The following PCDHGA1 variants were observed in gnomAD, a reference collection of about 807,000 sequenced individuals.
PCDHGA1 encodes protocadherin gamma subfamily A, 1.
Under a neutral mutation model 58.0 loss-of-function variants are expected in PCDHGA1, and 32 were observed. The observed-to-expected ratio is 0.55, with a 90% CI of 0.42 to 0.74. PCDHGA1 has a LOEUF of 0.74. Among genes scored for constraint, PCDHGA1 ranks in the 30% least tolerant of loss-of-function variants. The pLI is 0.00. For missense variants in PCDHGA1, 1,205 were observed against 1,182.3 expected (o/e 1.02, Z -0.28); for synonymous variants, 498 against 501.1 (o/e 0.99, Z 0.08).
At position 141,332,143 on chromosome 5, in the gene PCDHGA1, A is replaced by C. The variant is rs760414799; in HGVS notation, c.1459A>C (p.Ile487Leu). ...HDLDSNENAQ[I>L]TYSLIEDTIQ... is the part of the protein sequence containing the mutation. ...CTTGGACAGCAATGAGAATGCACAAATCACTTACTCCCTAATAGAGGACAC... is the reference window on the plus strand; with the variant it reads ...CTTGGACAGCAATGAGAATGCACAACTCACTTACTCCCTAATAGAGGACAC... Residue 487 changes from isoleucine to leucine, a missense_variant, in exon 1 of 4, where the codon ATC (isoleucine) becomes CTC (leucine). Ile to Leu is a conservative substitution (Grantham distance 5, BLOSUM62 2). Coordinates refer to ENST00000517417, the MANE Select transcript of PCDHGA1 (RefSeq NM_018912.3). The surrounding 1 kb of genome is among the most constrained non-coding windows in gnomAD (Gnocchi z 4.6). The C allele has an allele frequency of 4.3e-5, 69 of 1,613,984 alleles. No homozygotes were observed. Among genetic ancestry groups the C allele is most frequent in the Admixed American group, 1.7e-4 (10 of 59,996 alleles).
At position 141,330,980 on chromosome 5, in the gene PCDHGA1, G is replaced by A. The variant is rs1187509107; in HGVS notation, c.296G>A (p.Ser99Asn). 2 of 1,614,210 alleles carry A rather than the reference G, an allele frequency of 1.2e-6. No homozygotes were observed. The highest frequency in any genetic ancestry group is 1.7e-6 in the Non-Finnish European group (2 of 1,180,042). ...GACCGGGAGGAGCTCTGCGCTCAGA[G>A]CATGCCGTGTCTCGTGAGTTTTAAT... ...RIDREELCAQ[S>N]MPCLVSFNIL... Residue 99 changes from serine to asparagine, a missense_variant, in exon 1 of 4, where the codon AGC (serine) becomes AAC (asparagine). By Grantham distance (46) the Ser-to-Asn change is conservative. Coordinates refer to ENST00000517417, the MANE Select transcript of PCDHGA1 (RefSeq NM_018912.3).
intron 1 of PCDHGA1, chr5:141,375,222 G>C: frequency 6.2e-7 from 1 of 1,613,926 alleles, no homozygotes; most frequent in Non-Finnish European, 8.5e-7. Flanking sequence ...GGCCTGAATG[G>C]CCTGGTAACC....
intron 2 of PCDHGA1, among the ~76,000 whole-genome samples, chr5:141,500,901 G>A (rs984072329): frequency 7.6e-5 from 11 of 144,582 alleles, no homozygotes; most frequent in African/African-American, 2.6e-4. Flanking sequence ...AGACAGTCTC[G>A]CTCTGTCTCC....
chr5:141,344,788 G>T lies in PCDHGA1; in HGVS notation c.2421+11683G>T, dbSNP rs373887842. 1.5e-4 allele frequency: 235 copies of T among 1,613,866 alleles called. No homozygotes were observed. The highest frequency in any genetic ancestry group is 1.9e-4 in the Non-Finnish European group (221 of 1,179,906). Reference sequence around the variant, plus strand: ...CAGCCTGAGTACCGTGTGAGTGTTTGGGAGAACGTGCCTGTGGGTACCCGG... The same window carrying T: ...CAGCCTGAGTACCGTGTGAGTGTTTTGGAGAACGTGCCTGTGGGTACCCGG... On this transcript the variant is annotated intron_variant, in intron 1 of 3. Transcript: ENST00000517417.
chr5:141,469,049 G>A (rs916327969), intron 1 of PCDHGA1, among the ~76,000 whole-genome samples: 3 of 152,054 alleles, frequency 2.0e-5, no homozygotes, highest in African/African-American at 2.4e-5. Context: ...GGCCAAGGTG[G>A]GAGGATTGCT....
intron 1 of PCDHGA1, chr5:141,390,668 A>C: frequency 5.2e-6 from 1 of 191,616 alleles, no homozygotes; most frequent in South Asian, 1.1e-4. Flanking sequence ...ATAAATATAA[A>C]AATAATAAAG....
At chr5:141,357,032 C>A (rs754361100) in intron 1 of PCDHGA1, 2 of 1,614,066 alleles carry the variant, frequency 1.2e-6, no homozygotes, top group Non-Finnish European at 1.7e-6. Flanking sequence ...CTACTCAAGT[C>A]CAGCGAGCCG....
chr5:141,437,165 T>A (rs62379162), intron 1 of PCDHGA1, among the ~76,000 whole-genome samples: 3,747 of 152,330 alleles, frequency 0.025, 69 homozygotes, highest in Middle Eastern at 0.085. Context: ...TGTTGATTGT[T>A]TTCTGAGACT....
intron 1 of PCDHGA1, chr5:141,351,631 G>A (rs755698367): frequency 6.2e-7 from 1 of 1,614,062 alleles, no homozygotes; most frequent in South Asian, 1.1e-5. Context: ...TGGTCCACGT[G>A]TCTGAGAACA....
At chr5:141,344,532 C>T in intron 1 of PCDHGA1, 2 of 1,614,028 alleles carry the variant, frequency 1.2e-6, no homozygotes, top group South Asian at 1.1e-5. Context: ...CATTAACTCC[C>T]TGCAGAACTA....
intron 1 of PCDHGA1, among the ~76,000 whole-genome samples, chr5:141,466,449 T>C (rs2154569205): frequency 6.6e-6 from 1 of 152,358 alleles, no homozygotes; most frequent in Admixed American, 6.5e-5. Flanking sequence ...ATGTCTATGG[T>C]GTTGGCTATT....
At chr5:141,503,804 G>A (rs2099831736) in intron 2 of PCDHGA1, among the ~76,000 whole-genome samples, 1 of 152,034 alleles carries the variant, frequency 6.6e-6, no homozygotes, top group South Asian at 2.1e-4. Flanking sequence ...TAGGGACGGG[G>A]AATCCCAGAT....
rs767337670 is a variant in PCDHGA1 at position 141,433,083 on chromosome 5, A to G, written c.2422-61724A>G. 8.1e-6 allele frequency: 13 copies of G among 1,614,174 alleles called. 1 individual carries two copies. Among genetic ancestry groups the G allele is most frequent in the Non-Finnish European group, 9.3e-6 (11 of 1,180,024 alleles). ...CACCTGATCTTCCCCCAGCCCAACT[A>G]TGCAGACATGCTCGTCAGCCAGGAG... On this transcript the variant is annotated intron_variant, in intron 1 of 3. Coordinates refer to ENST00000517417, the MANE Select transcript of PCDHGA1 (RefSeq NM_018912.3).
chr5:141,349,513 T>C (rs1436793656), intron 1 of PCDHGA1, among the ~76,000 whole-genome samples: 1 of 152,232 alleles, frequency 6.6e-6, no homozygotes, highest in Admixed American at 6.5e-5. Flanking sequence ...TTGTCCTACT[T>C]AACTGGAAAG....
chr5:141,483,099 C>T (rs10068400), intron 1 of PCDHGA1, among the ~76,000 whole-genome samples: 3,098 of 152,014 alleles, frequency 0.02, 87 homozygotes, highest in African/African-American at 0.065. Flanking sequence ...AAAAAGTGTG[C>T]GTGTAAAACA....
chr5:141,507,754 C>T (rs1488474557), intron 3 of PCDHGA1, among the ~76,000 whole-genome samples: 7 of 152,242 alleles, frequency 4.6e-5, no homozygotes, highest in Admixed American at 2.0e-4. Flanking sequence ...GTCAAGGCCT[C>T]CCACCTTTGG....
rs11575961 is a variant in PCDHGA1 at position 141,331,892 on chromosome 5, G to A, written c.1208G>A (p.Arg403His). The change falls in exon 1 of 4, where the codon CGT (arginine) becomes CAT (histidine). Residue 403 changes from arginine (R) to histidine (H), a missense_variant. By Grantham distance (29) the Arg-to-His change is conservative (BLOSUM62 0). Transcript: ENST00000517417. The part of the protein sequence containing the change: ...KLEKLVDNYY[R>H]LVTERTLDRE... ...GAAAAGTTAGTTGATAATTATTACC[G>A]TTTAGTGACTGAAAGAACACTGGAC... 2.7e-5 allele frequency: 44 copies of A among 1,613,970 alleles called. No homozygotes were observed. Among genetic ancestry groups the A allele is most frequent in the Admixed American group, 5.0e-5 (3 of 59,998 alleles).
intron 1 of PCDHGA1, among the ~76,000 whole-genome samples, chr5:141,453,673 AC>A (rs1459216908): frequency 6.6e-6 from 1 of 152,230 alleles, no homozygotes; most frequent in African/African-American, 2.4e-5. Flanking sequence ...ACAAAAGGTA[AC>A]ACACTATGTA....
chr5:141,452,054 C>T (rs578157525), intron 1 of PCDHGA1, among the ~76,000 whole-genome samples: 2 of 152,078 alleles, frequency 1.3e-5, no homozygotes, highest in Admixed American at 1.3e-4. Flanking sequence ...TTTGTAATAA[C>T]TTATTCTACT....
Sources: gnomAD v4.1 joint callset for allele counts (sites outside exome capture counted in the v4.1 genomes callset) on GRCh38, gnomAD v4.1.1 for gene constraint, Gnocchi (gnomAD v3.1) non-coding constraint, MANE v1.5 for transcripts, NCBI Gene and HGNC (gene_info 2026-07-23, HGNC 2026-07-21) for gene names.